The following SORBS2 variants were observed in gnomAD, a reference collection of about 807,000 sequenced individuals.
The protein encoded by SORBS2 is sorbin and SH3 domain containing 2.
SORBS2 carries 46 observed loss-of-function variants against 97.7 expected under a neutral mutation model. The observed-to-expected ratio is 0.47, with a 90% CI of 0.37 to 0.60. The LOEUF (loss-of-function observed/expected upper bound fraction) is 0.60, where lower values mean the gene tolerates loss of function less well. Among genes scored for constraint, SORBS2 ranks in the 20% least tolerant of loss-of-function variants. The pLI is 0.00. For missense variants in SORBS2, 1,316 were observed against 1,282.3 expected (o/e 1.03, Z -0.40); for synonymous variants, 476 against 473.4 (o/e 1.01, Z -0.07).
intron 2 of SORBS2, among the ~76,000 whole-genome samples, chr4:185,720,853 G>T (rs558328585): frequency 2.0e-5 from 3 of 152,186 alleles, no homozygotes; most frequent in Admixed American, 6.5e-5. Flanking sequence ...CCTTGAACCA[G>T]GACCTTAAAA....
At chr4:185,763,436 C>A (rs1030367590) in intron 2 of SORBS2, among the ~76,000 whole-genome samples, 1 of 152,178 alleles carries the variant, frequency 6.6e-6, no homozygotes, top group African/African-American at 2.4e-5. Flanking sequence ...GCCCCCGACC[C>A]CCCACCTCAT....
chr4:185,644,775 G>C (rs2097181482), intron 4 of SORBS2, among the ~76,000 whole-genome samples: 2 of 152,158 alleles, frequency 1.3e-5, no homozygotes, highest in Non-Finnish European at 2.9e-5. Context: ...TATTATTATT[G>C]CTATTGTAAA....
intron 1 of SORBS2, among the ~76,000 whole-genome samples, chr4:185,836,071 G>A (rs1391986928): frequency 5.3e-5 from 8 of 151,912 alleles, no homozygotes; most frequent in South Asian, 4.2e-4. Flanking sequence ...ACCCAAATAC[G>A]AATGTAATAA....
In SORBS2 at chr4:185,848,438, G is replaced by A. The variant is rs560134487; in HGVS notation, c.-337-73072C>T. Reference sequence around the variant, plus strand: ...TTTTTTTTCCATGTCAACAACTGCTGTGACTGATTTTGAAACCAGGAAATC... The same window carrying A: ...TTTTTTTTCCATGTCAACAACTGCTATGACTGATTTTGAAACCAGGAAATC... On this transcript the variant is annotated intron_variant, in intron 1 of 20. Coordinates refer to the SORBS2 transcript ENST00000284776. 4.6e-5 allele frequency among the ~76,000 whole-genome samples: 7 copies of A among 152,160 alleles called. No homozygotes were observed. In the East Asian group the frequency reaches 1.3e-3, roughly 29 times the overall value.
chr4:185,642,884 C>T (rs556430872), intron 4 of SORBS2, among the ~76,000 whole-genome samples: 1 of 152,298 alleles, frequency 6.6e-6, no homozygotes, highest in Admixed American at 6.5e-5. Flanking sequence ...CCCACTGGGC[C>T]TTTTGCACTA....
At chr4:185,681,147 T>C (rs370801096) in intron 2 of SORBS2, among the ~76,000 whole-genome samples, 16 of 152,318 alleles carry the variant, frequency 1.1e-4, no homozygotes, top group African/African-American at 3.8e-4. Context: ...AAGTCTGCCT[T>C]GAAGTGGCTG....
chr4:185,603,337 T>C (rs1457598451), intron 12 of SORBS2, among the ~76,000 whole-genome samples: 1 of 152,160 alleles, frequency 6.6e-6, no homozygotes, highest in Non-Finnish European at 1.5e-5. Context: ...GCCTTAGGCA[T>C]CATATAAAGT....
chr4:185,852,414 G>A (rs2099218407), intron 1 of SORBS2, among the ~76,000 whole-genome samples: 1 of 152,102 alleles, frequency 6.6e-6, no homozygotes, highest in Non-Finnish European at 1.5e-5. Context: ...TTCTTCCATA[G>A]GTATAGGTAA....
chr4:185,630,659 G>C, intron 4 of SORBS2, 61 bp from the exon 17 acceptor site: 1 of 897,928 alleles, frequency 1.1e-6, no homozygotes, highest in Non-Finnish European at 1.8e-6. Flanking sequence ...TTGTTCACTT[G>C]TCAACATTAA....
intron 7 of SORBS2, 29 bp downstream of exon 19, chr4:185,622,885 C>G (rs1217284365): frequency 6.4e-7 from 1 of 1,553,746 alleles, no homozygotes; most frequent in Non-Finnish European, 8.7e-7. Context: ...CTCTGAACCA[C>G]AAGGAAAAAG....
At chr4:185,757,942 C>T (rs1305170991) in intron 2 of SORBS2, among the ~76,000 whole-genome samples, 2 of 152,090 alleles carry the variant, frequency 1.3e-5, no homozygotes, top group African/African-American at 4.8e-5. Context: ...ATCTGGTGAG[C>T]CACTGATGGA....
intron 2 of SORBS2, among the ~76,000 whole-genome samples, chr4:185,732,207 G>A (rs185492219): frequency 1.8e-4 from 28 of 151,976 alleles, no homozygotes; most frequent in Admixed American, 6.6e-4. Flanking sequence ...CAGGCATTCC[G>A]TCACTCTCCA....
intron 7 of SORBS2, among the ~76,000 whole-genome samples, chr4:185,620,711 T>C (rs1313783645): frequency 6.6e-6 from 1 of 151,886 alleles, no homozygotes; most frequent in Non-Finnish European, 1.5e-5. Context: ...TCTTCCTCTG[T>C]TTTTAAATAC....
chr4:185,631,295 A>G (rs1012780870), intron 4 of SORBS2, among the ~76,000 whole-genome samples: 1 of 152,242 alleles, frequency 6.6e-6, no homozygotes, highest in Non-Finnish European at 1.5e-5. Flanking sequence ...TGCGCTTTTA[A>G]ATTTTTCCTT....
At chr4:185,637,974 C>T (rs976353073) in intron 4 of SORBS2, 105 bp downstream of exon 15, 5 of 747,990 alleles carry the variant, frequency 6.7e-6, no homozygotes, top group South Asian at 6.0e-5. Context: ...ATTATGCATT[C>T]GGCCTTTGTT....
intron 8 of SORBS2, among the ~76,000 whole-genome samples, chr4:185,619,534 G>A (rs1233724882): frequency 1.3e-5 from 2 of 152,184 alleles, no homozygotes; most frequent in African/African-American, 2.4e-5. Context: ...CTCTAGCCCC[G>A]GCTCAGGGCC....
intron 9 of SORBS2, 24 bp downstream of exon 21, chr4:185,618,561 A>T: frequency 7.3e-7 from 1 of 1,361,994 alleles, no homozygotes; most frequent in Non-Finnish European, 1.0e-6. Flanking sequence ...CTTAAATCAT[A>T]TGATGAGTAT....
chr4:185,706,330 C>T (rs1326772471), intron 2 of SORBS2, among the ~76,000 whole-genome samples: 1 of 152,158 alleles, frequency 6.6e-6, no homozygotes, highest in Non-Finnish European at 1.5e-5. Flanking sequence ...CTTCATATCC[C>T]AACCAAAATC....
At chr4:185,784,126 T>A (rs889265776) in intron 1 of SORBS2, among the ~76,000 whole-genome samples, 29 of 152,100 alleles carry the variant, frequency 1.9e-4, no homozygotes, top group African/African-American at 7.0e-4. Context: ...GAAGAGGGCT[T>A]CCTTGTCCTT....
Sources: gnomAD v4.1 joint callset for allele counts (sites outside exome capture counted in the v4.1 genomes callset) on GRCh38, gnomAD v4.1.1 for gene constraint, MANE v1.5 for transcripts, NCBI Gene and HGNC (gene_info 2026-07-23, HGNC 2026-07-21) for gene names.